The following FNTB variants were observed in gnomAD, a reference collection of about 807,000 sequenced individuals.
FNTB encodes farnesyltransferase, CAAX box, subunit beta, also known as protein farnesyltransferase subunit beta.
Under a neutral mutation model 59.4 loss-of-function variants are expected in FNTB, and 27 were observed. The ratio of observed to expected loss-of-function variants is 0.45; its 90% CI spans 0.34 to 0.63. The LOEUF is 0.63. Among genes scored for constraint, FNTB ranks in the 20% least tolerant of loss-of-function variants. FNTB has a pLI of 0.02. For missense variants in FNTB, 449 were observed against 559.6 expected, an observed-to-expected ratio of 0.80 and a Z score of 1.99; for synonymous variants, 230 against 220.7, an observed-to-expected ratio of 1.04 and a Z score of -0.37.
At chr14:65,038,534 A>G (rs1485671341) in intron 7 of FNTB, among the ~76,000 whole-genome samples, 1 of 151,814 alleles carries the variant, frequency 6.6e-6, no homozygotes, top group Non-Finnish European at 1.5e-5. Context: ...CCTGACCAAC[A>G]TGGTGAAACC....
At chr14:65,005,356 T>C (rs1222161752) in intron 2 of FNTB, among the ~76,000 whole-genome samples, 1 of 152,218 alleles carries the variant, frequency 6.6e-6, no homozygotes, top group Non-Finnish European at 1.5e-5. Context: ...GAAACCATTA[T>C]TTGTTATATT....
intron 1 of FNTB, chr14:64,987,307 G>T: frequency 1.6e-6 from 1 of 608,834 alleles, no homozygotes; most frequent in East Asian, 2.8e-5. Flanking sequence ...GTCGTTTCAA[G>T]GTTGGGCTTG....
intron 7 of FNTB, among the ~76,000 whole-genome samples, chr14:65,037,640 G>GTCTCAAAC (rs2062233015): frequency 6.7e-6 from 1 of 149,566 alleles, no homozygotes; most frequent in African/African-American, 2.4e-5. Flanking sequence ...GCCCAGGTTG[G>GTCTCAAAC]TCTCAAACTC....
In FNTB at chr14:65,044,179, A is replaced by C; in HGVS notation, c.823-132A>C. 1 of 1,503,338 alleles carries C rather than the reference A, an allele frequency of 6.7e-7. No individual in the cohort carries two copies. Among genetic ancestry groups the C allele is most frequent in the Non-Finnish European group, 9.1e-7 (1 of 1,101,054 alleles). The allele number at this position is 1,503,338 out of a possible 1,614,324, so 93.1% of individuals were successfully genotyped here. On this transcript the variant is annotated intron_variant, in intron 8 of 11. Transcript: ENST00000246166. The surrounding 1 kb of genome is among the most constrained non-coding windows in gnomAD (Gnocchi z 5.5). ...GGAGGGAAGGAAAGAAAACCAGAGC[A>C]CCAAAACTAGAGTGCCAAGAAGCCA...
In FNTB at chr14:65,008,665, A is replaced by C. The variant is rs1260618677; in HGVS notation, c.210-3652A>C. Among the ~76,000 whole-genome samples the C allele has an allele frequency of 2.6e-5, 4 of 152,330 alleles. No individual in the cohort carries two copies. The East Asian group carries it at 5.8e-4, about 22-fold the overall frequency. On this transcript the variant is annotated intron_variant, in intron 2 of 11. Coordinates refer to ENST00000246166, the MANE Select transcript of FNTB (RefSeq NM_002028.4). ...GGGGAGAGTGTTCCAGGCAGAGGGA[A>C]CAGCATGTGCTAAAGCCAGGAGACT...
chr14:64,997,148 T>G lies in FNTB; in HGVS notation c.145-7101T>G, dbSNP rs1888428014. The stretch of plus-strand genomic sequence containing the variant: ...ATTGTGAGAGGGTCCTGAATTCTGC[T>G]AAGATGTAGGTGTAAAGGATAACCA... On this transcript the variant is annotated intron_variant, in intron 1 of 11. Transcript: ENST00000246166. This position sits in a 1 kb window ranked among gnomAD's most constrained non-coding sequence, Gnocchi z 4.5. Among the ~76,000 whole-genome samples, 1 of 152,222 alleles carries G rather than the reference T, an allele frequency of 6.6e-6. No individual in the cohort carries two copies. The highest frequency in any genetic ancestry group is 1.5e-5 in the Non-Finnish European group (1 of 68,044).
rs1182220088 is a variant in FNTB, at chr14:65,023,147, T to TCC, written c.375-4303_375-4302dup. Among the ~76,000 whole-genome samples the TCC allele has an allele frequency of 1.3e-5, 2 of 152,176 alleles. No individual in the cohort carries two copies. The highest frequency in any genetic ancestry group is 2.9e-5 in the Non-Finnish European group (2 of 68,028). ...ATCACAGCTCACTGCAACCTGGACT[T>TCC]CCCCAAGCTCAAGTGATCCTCCCAC... On this transcript the variant is annotated intron_variant, in intron 4 of 11. Transcript: ENST00000246166. This position sits in a 1 kb window ranked among gnomAD's most constrained non-coding sequence, Gnocchi z 4.1.
rs181787772 is a variant in FNTB at position 65,056,859 on chromosome 14, T to C, written c.1182+2170T>C. ...CTAGGTAATGTATAAAGACAAGAGG[T>C]TTATTTAGCTCATGGTTCTATAGAC... is the stretch of plus-strand genomic sequence containing the variant. On this transcript the variant is annotated intron_variant, in intron 11 of 11. Coordinates refer to ENST00000246166, the MANE Select transcript of FNTB (RefSeq NM_002028.4). 2.4e-3 allele frequency among the ~76,000 whole-genome samples: 361 copies of C among 152,264 alleles called. 4 individuals carry two copies. The highest frequency in any genetic ancestry group is 8.3e-3 in the African/African-American group (344 of 41,536).
At chr14:65,045,907 C>T (rs773866369) in intron 9 of FNTB, among the ~76,000 whole-genome samples, 22 of 152,200 alleles carry the variant, frequency 1.4e-4, no homozygotes, top group Admixed American at 3.3e-4. Flanking sequence ...AGCAAGTGCA[C>T]TGACTTTGGA....
chr14:65,037,402 C>CTTTTTTTTTTTTTTTTTTTTT (rs765037575), intron 7 of FNTB, among the ~76,000 whole-genome samples: 4 of 14,536 alleles, frequency 2.8e-4, no homozygotes, highest in South Asian at 3.0e-3. Context: ...CACGCCGGGC[C>CTTTTTTTTTTTTTTTTTTTTT]CTTTTTTTTT....
intron 11 of FNTB, among the ~76,000 whole-genome samples, chr14:65,060,905 ATAG>A (rs1320422324): frequency 6.7e-6 from 1 of 149,296 alleles, no homozygotes; most frequent in East Asian, 2.0e-4. Flanking sequence ...ACAGTTTGAG[ATAG>A]TATTGTACAT....
chr14:65,015,547 G>A lies in FNTB; in HGVS notation c.283-78G>A, dbSNP rs146382283. The A allele has an allele frequency of 4.3e-4, 651 of 1,504,938 alleles. 2 individuals are homozygous for A. The African/African-American group carries it at 7.8e-3, about 18-fold the overall frequency. 93.2% of individuals were successfully genotyped at this position (1,504,938 alleles called of 1,614,324 possible). On this transcript the variant is annotated intron_variant, in intron 3 of 11. Coordinates refer to ENST00000246166, the MANE Select transcript of FNTB (RefSeq NM_002028.4). ...TCCCCCTTGCCAGGCTGCTGGGAGT[G>A]AGACAGATACAGCCTTGGCAGCAGT...
In FNTB at chr14:65,011,431, G is replaced by GAAAA. The variant is rs767329195; in HGVS notation, c.210-868_210-865dup. 8.7e-5 allele frequency among the ~76,000 whole-genome samples: 7 copies of GAAAA among 80,066 alleles called. No homozygotes were observed. Among genetic ancestry groups the GAAAA allele is most frequent in the African/African-American group, 8.4e-5 (2 of 23,708 alleles). 52.5% of individuals were successfully genotyped at this position (80,066 alleles called of 152,430 possible). On this transcript the variant is annotated intron_variant, in intron 2 of 11. Transcript: ENST00000246166. The surrounding 1 kb of genome is among the most constrained non-coding windows in gnomAD (Gnocchi z 4.0). Reference sequence around the variant, plus strand: ...GTGACAGAGCGAGACTCCGTCTCAGGAAAAAAAAAAAAAAAAAAAAAGACT... The same window carrying GAAAA: ...GTGACAGAGCGAGACTCCGTCTCAGGAAAAAAAAAAAAAAAAAAAAAAAAAGACT...
Position 65,032,729 on chromosome 14 carries a change from G to A in FNTB, c.692+33G>A, listed in dbSNP as rs2139592435. The A allele has an allele frequency of 1.2e-6, 2 of 1,602,638 alleles. No individual in the cohort carries two copies. The highest frequency in any genetic ancestry group is 1.1e-5 in the South Asian group (1 of 89,564). On this transcript the variant is annotated intron_variant, in intron 7 of 11. Coordinates refer to ENST00000246166, the MANE Select transcript of FNTB (RefSeq NM_002028.4). This position sits in a 1 kb window ranked among gnomAD's most constrained non-coding sequence, Gnocchi z 5.0. ...AAGCCAGGGTTTCTCCTGGCCTCTT[G>A]GAGAGCAGGCGGTCACGACACTACT...
chr14:65,032,682 T>A lies in FNTB; in HGVS notation c.678T>A (p.Ala226=), dbSNP rs2062109524. ...IITPDLFEGT[A]EWIARCQNWE... Reference sequence around the variant, plus strand: ...CTCCAGACCTCTTTGAGGGCACTGCTGAATGGATAGCAAGGTGAGAGAAGC... The same window carrying A: ...CTCCAGACCTCTTTGAGGGCACTGCAGAATGGATAGCAAGGTGAGAGAAGC... The change falls in exon 7 of 12, where the codon GCT becomes GCA. Residue 226 remains alanine (A), a synonymous_variant. Coordinates refer to ENST00000246166, the MANE Select transcript of FNTB (RefSeq NM_002028.4). This position sits in a 1 kb window ranked among gnomAD's most constrained non-coding sequence, Gnocchi z 5.0. 2 of 1,613,698 alleles carry A rather than the reference T, an allele frequency of 1.2e-6. No individual in the cohort carries two copies.
Position 65,023,562 on chromosome 14 carries a change from G to A in FNTB, c.375-3891G>A, listed in dbSNP as rs2061925245. Reference sequence around the variant, plus strand: ...TGAAAATGTTCTATATTCTGTAAATGTCTATAGGTGTCTATAAACATCTAT... The same window carrying A: ...TGAAAATGTTCTATATTCTGTAAATATCTATAGGTGTCTATAAACATCTAT... On this transcript the variant is annotated intron_variant, in intron 4 of 11. Coordinates refer to ENST00000246166, the MANE Select transcript of FNTB (RefSeq NM_002028.4). The surrounding 1 kb of genome is among the most constrained non-coding windows in gnomAD (Gnocchi z 4.1). 6.6e-6 allele frequency among the ~76,000 whole-genome samples: 1 copy of A among 152,210 alleles called. No homozygotes were observed. Among genetic ancestry groups the A allele is most frequent in the Non-Finnish European group, 1.5e-5 (1 of 68,038 alleles).
intron 1 of FNTB, among the ~76,000 whole-genome samples, chr14:64,999,438 A>C (rs1220524933): frequency 2.6e-5 from 4 of 152,212 alleles, no homozygotes; most frequent in Admixed American, 2.0e-4. Context: ...ACTCCATCTC[A>C]AAAACAAAGA....
intron 1 of FNTB, among the ~76,000 whole-genome samples, chr14:64,987,815 C>T (rs1405535859): frequency 6.6e-6 from 1 of 152,112 alleles, no homozygotes; most frequent in Non-Finnish European, 1.5e-5. Context: ...AAGTGTTTGG[C>T]GAATGAGTAT....
chr14:65,032,505 T>G lies in FNTB; in HGVS notation c.606-105T>G. 2 of 1,207,426 alleles carry G rather than the reference T, an allele frequency of 1.7e-6. No homozygotes were observed. The highest frequency in any genetic ancestry group is 2.7e-5 in the East Asian group (1 of 37,040). The allele number at this position is 1,207,426 out of a possible 1,614,324, so 74.8% of individuals were successfully genotyped here. A position where few individuals can be genotyped will look rare whatever the true frequency, so the allele number is the denominator to read the frequency against. On this transcript the variant is annotated intron_variant, in intron 6 of 11. Transcript: ENST00000246166. The surrounding 1 kb of genome is among the most constrained non-coding windows in gnomAD (Gnocchi z 5.0). Reference sequence around the variant, plus strand: ...GTGTGCCAAGAGTGAGGACAGGAGGTGATTACAGCTTACTAGGCAAGGCGA... The same window carrying G: ...GTGTGCCAAGAGTGAGGACAGGAGGGGATTACAGCTTACTAGGCAAGGCGA...
Sources: allele counts gnomAD v4.1 joint callset (sites outside exome capture counted in the v4.1 genomes callset), GRCh38; gene constraint gnomAD v4.1.1; non-coding constraint Gnocchi (gnomAD v3.1); transcripts MANE v1.5; gene names NCBI Gene and HGNC (gene_info 2026-07-23, HGNC 2026-07-21).